The following IMMP2L variants were observed in gnomAD, a reference collection of about 807,000 sequenced individuals.
IMMP2L encodes the protein inner mitochondrial membrane peptidase subunit 2.
A neutral mutation model predicts 19.3 loss-of-function variants in IMMP2L; 18 were observed. That is an observed-to-expected ratio of 0.93 (90% CI 0.64 to 1.38). The LOEUF (loss-of-function observed/expected upper bound fraction) is 1.38. Among genes scored for constraint, IMMP2L ranks in the 40% most tolerant of loss-of-function variants. IMMP2L has a pLI of 0.00. For missense variants in IMMP2L, 233 were observed against 218.2 expected (o/e 1.07, Z -0.43); for synonymous variants, 76 against 73.0 (o/e 1.04, Z -0.21).
chr7:110,717,930 G>A (rs914154269), intron 5 of IMMP2L, among the ~76,000 whole-genome samples: 4 of 152,186 alleles, frequency 2.6e-5, no homozygotes, highest in Admixed American at 2.6e-4. Flanking sequence ...TAAGTTAGGA[G>A]AGATGTAAGC....
At chr7:111,216,060 A>G (rs1014395678) in intron 3 of IMMP2L, among the ~76,000 whole-genome samples, 3 of 152,176 alleles carry the variant, frequency 2.0e-5, no homozygotes, top group African/African-American at 7.2e-5. Flanking sequence ...TCTCTTCACA[A>G]ATACATCTTC....
chr7:110,950,949 A>G (rs1175409222), intron 4 of IMMP2L, among the ~76,000 whole-genome samples: 2 of 149,840 alleles, frequency 1.3e-5, no homozygotes, highest in African/African-American at 4.9e-5. Flanking sequence ...TTCAAGTATT[A>G]GTAAAAGGGA....
At chr7:111,299,900 T>A (rs982938323) in intron 3 of IMMP2L, among the ~76,000 whole-genome samples, 2 of 147,526 alleles carry the variant, frequency 1.4e-5, no homozygotes, top group Admixed American at 1.4e-4. Flanking sequence ...AAGGGCTGCA[T>A]CCTTGCTGAC....
rs183234144 is a variant in IMMP2L, at chr7:110,752,543, T to C, written c.409-88822A>G. 1.8e-4 allele frequency among the ~76,000 whole-genome samples: 27 copies of C among 152,208 alleles called. No individual in the cohort carries two copies. In the East Asian group the frequency reaches 5.2e-3, roughly 29 times the overall value. ...TACAAAGTCACTGGGACACTCACTC[T>C]ATTGTTTTCAAGTCTAGTATTCCAG... On this transcript the variant is annotated intron_variant, in intron 5 of 5. Coordinates refer to ENST00000405709, the MANE Select transcript of IMMP2L (RefSeq NM_032549.4).
intron 4 of IMMP2L, among the ~76,000 whole-genome samples, chr7:110,930,089 C>T (rs895530919): frequency 6.6e-6 from 1 of 152,154 alleles, no homozygotes; most frequent in African/African-American, 2.4e-5. Flanking sequence ...TAAGACTGAG[C>T]AGCGTAAATC....
chr7:111,475,441 A>C (rs1841633610), intron 3 of IMMP2L, among the ~76,000 whole-genome samples: 1 of 152,088 alleles, frequency 6.6e-6, no homozygotes, highest in African/African-American at 2.4e-5. Context: ...AGAAAAATGA[A>C]AGGTATCTAC....
At chr7:111,414,151 A>T (rs545815291) in intron 3 of IMMP2L, among the ~76,000 whole-genome samples, 2 of 151,902 alleles carry the variant, frequency 1.3e-5, no homozygotes, top group South Asian at 4.1e-4. Flanking sequence ...AGAAGCAAGA[A>T]GAGAATAAAG....
At chr7:110,927,339 A>T (rs1814968308) in intron 4 of IMMP2L, among the ~76,000 whole-genome samples, 1 of 152,116 alleles carries the variant, frequency 6.6e-6, no homozygotes, top group Non-Finnish European at 1.5e-5. Context: ...AGGCATAATA[A>T]TGGCTCCCCA....
At chr7:110,865,621 A>G (rs1807905408) in intron 5 of IMMP2L, among the ~76,000 whole-genome samples, 2 of 152,038 alleles carry the variant, frequency 1.3e-5, no homozygotes. Context: ...AAATCTGACA[A>G]GTGACTTAAT....
In IMMP2L at chr7:111,122,368, A is replaced by C. The variant is rs184879929; in HGVS notation, c.240-158803T>G. 1.4e-3 allele frequency: 221 copies of C among 157,148 alleles called. 1 individual carries two copies. The highest frequency in any genetic ancestry group is 5.0e-3 in the African/African-American group (208 of 41,766). 9.7% of individuals were successfully genotyped at this position (157,148 alleles called of 1,614,324 possible). A position where few individuals can be genotyped will look rare whatever the true frequency, so the allele number is the denominator to read the frequency against. ...AATTATGGTATTTTTCATTTGTACT[A>C]ATTATTGTTCTCTTTTTTCTTTCAT... is the stretch of plus-strand genomic sequence containing the variant. On this transcript the variant is annotated intron_variant, in intron 3 of 5. Transcript: ENST00000405709.
At chr7:111,334,309 T>C (rs1424022948) in intron 3 of IMMP2L, among the ~76,000 whole-genome samples, 1 of 152,020 alleles carries the variant, frequency 6.6e-6, no homozygotes, top group Non-Finnish European at 1.5e-5. Flanking sequence ...AATGTGAACA[T>C]GTTATATTTG....
rs180969582 is a variant in IMMP2L at position 111,026,037 on chromosome 7, C to A, written c.240-62472G>T. ...AAACACACACACACACACACACACA[C>A]AAATTAGGAAAAATGTGAAAACAGA... On this transcript the variant is annotated intron_variant, in intron 3 of 5. Coordinates refer to ENST00000405709, the MANE Select transcript of IMMP2L (RefSeq NM_032549.4). Among the ~76,000 whole-genome samples the A allele has an allele frequency of 6.1e-3, 914 of 150,734 alleles. 5 individuals carry two copies. Among genetic ancestry groups the A allele is most frequent in the Middle Eastern group, 0.02 (6 of 294 alleles).
chr7:111,308,137 A>G (rs972901597), intron 3 of IMMP2L, among the ~76,000 whole-genome samples: 18 of 152,100 alleles, frequency 1.2e-4, no homozygotes, highest in African/African-American at 3.4e-4. Context: ...ATCAACCAAC[A>G]TAGAGAAAAA....
rs545921890 is a variant in IMMP2L at position 111,161,054 on chromosome 7, T to C, written c.240-197489A>G. Among the ~76,000 whole-genome samples, 236 of 151,810 alleles carry C rather than the reference T, an allele frequency of 1.6e-3. 4 individuals are homozygous for C. The highest frequency in any genetic ancestry group is 5.4e-3 in the African/African-American group (224 of 41,524). ...TCTCAACAAAGAATAAAAATACAAA[T>C]AAATATACAACTTTTAAATAAATGG... On this transcript the variant is annotated intron_variant, in intron 3 of 5. Coordinates refer to ENST00000405709, the MANE Select transcript of IMMP2L (RefSeq NM_032549.4).
At position 110,995,088 on chromosome 7, in the gene IMMP2L, A is replaced by G. The variant is rs541525267; in HGVS notation, c.240-31523T>C. Among the ~76,000 whole-genome samples the G allele has an allele frequency of 4.5e-4, 68 of 152,280 alleles. 2 individuals are homozygous for G. The South Asian group carries it at 0.012, about 26-fold the overall frequency. ...AGAGACATCTGAAGAGCACCATAGA[A>G]GTACAACTAACATGAATATTAGTCA... is the stretch of plus-strand genomic sequence containing the variant. On this transcript the variant is annotated intron_variant, in intron 3 of 5. Transcript: ENST00000405709.
At chr7:111,048,164 C>T (rs143862068) in intron 3 of IMMP2L, among the ~76,000 whole-genome samples, 3,263 of 129,976 alleles carry the variant, frequency 0.025, 128 homozygotes, top group African/African-American at 0.089. Flanking sequence ...GGCGTGAACC[C>T]GGGAGGCAGA....
At chr7:110,863,043 G>T (rs1807614107) in intron 5 of IMMP2L, among the ~76,000 whole-genome samples, 1 of 152,054 alleles carries the variant, frequency 6.6e-6, no homozygotes, top group Non-Finnish European at 1.5e-5. Context: ...GGCTACTGCT[G>T]TTGCTATGAG....
intron 5 of IMMP2L, among the ~76,000 whole-genome samples, chr7:110,881,226 A>G (rs1266361386): frequency 6.6e-6 from 1 of 152,156 alleles, no homozygotes; most frequent in Non-Finnish European, 1.5e-5. Flanking sequence ...CTTTGGTTAC[A>G]CAAATATTTT....
chr7:111,527,908 A>G (rs2132755298), intron 1 of IMMP2L, among the ~76,000 whole-genome samples: 1 of 151,824 alleles, frequency 6.6e-6, no homozygotes, highest in African/African-American at 2.4e-5. Flanking sequence ...AATAAAAGCT[A>G]CCCTGGAAAC....
Sources: gnomAD v4.1 joint callset for allele counts (sites outside exome capture counted in the v4.1 genomes callset) on GRCh38, gnomAD v4.1.1 for gene constraint, MANE v1.5 for transcripts, NCBI Gene and HGNC (gene_info 2026-07-23, HGNC 2026-07-21) for gene names.